The following CARMIL2 variants were observed in gnomAD, a reference collection of about 807,000 sequenced individuals.
The protein encoded by CARMIL2 is capping protein, Arp2/3 and myosin-I linker protein 2.
A neutral mutation model predicts 173.3 loss-of-function variants in CARMIL2; 96 were observed. That is an observed-to-expected ratio of 0.55 (90% CI 0.47 to 0.66). CARMIL2 has a LOEUF of 0.66. Ranked by LOEUF, CARMIL2 falls within the 30% of genes least tolerant of loss-of-function variation. The pLI, the probability that CARMIL2 is intolerant of heterozygous loss-of-function variation, is 0.00. For synonymous variants in CARMIL2, 830 were observed against 817.1 expected (o/e 1.02, Z -0.27); for missense variants, 1,771 against 1,906.7 (o/e 0.93, Z 1.33).
At chr16:67,647,233 T>TGGGCCAGGGTGCAGCCCGCTGA (rs771878714) in intron 9 of CARMIL2, 42 bp downstream of exon 9, 13 of 1,612,182 alleles carry the variant, frequency 8.1e-6, no homozygotes, top group East Asian at 2.2e-5. Flanking sequence ...GCCAAGGGTG[T>TGGGCCAGGGTGCAGCCCGCTGA]GGGCCAGGGT....
chr16:67,656,882 G>C lies in CARMIL2; in HGVS notation c.4117+1G>C. 1 of 1,545,134 alleles carries C rather than the reference G, an allele frequency of 6.5e-7. No homozygotes were observed. Among genetic ancestry groups the C allele is most frequent in the South Asian group, 1.2e-5 (1 of 83,934 alleles). ...GAGGACCAGCTCCAGGCCCCTGCTG[G>C]TGAGGGGAGACACCTCCACGTGTGC... On this transcript the variant is annotated splice_donor_variant, in intron 36 of 37. Transcript: ENST00000334583. LOFTEE classifies it high-confidence loss of function.
Position 67,652,204 on chromosome 16 carries a change from G to C in CARMIL2, c.2682G>C (p.Glu894Asp). Residue 894 changes from glutamate (E) to aspartate (D), a missense_variant, in exon 27 of 38, where the codon GAG becomes GAC. Coordinates refer to ENST00000334583, the MANE Select transcript of CARMIL2 (RefSeq NM_001013838.3). This position sits in a 1 kb window ranked among gnomAD's most constrained non-coding sequence, Gnocchi z 4.7. ...GLSAARDQLV[E>D]SLAQQATVTM... Reference sequence around the variant, plus strand: ...TTGGCTGCTTGGTATTGCAGGTGGAGAGTCTGGCTCAGCAGGCAACAGTGA... The same window carrying C: ...TTGGCTGCTTGGTATTGCAGGTGGACAGTCTGGCTCAGCAGGCAACAGTGA... 6.2e-7 allele frequency: 1 copy of C among 1,612,236 alleles called. No individual in the cohort carries two copies. The highest frequency in any genetic ancestry group is 8.5e-7 in the Non-Finnish European group (1 of 1,179,742).
In CARMIL2 at chr16:67,645,731, T is replaced by G; in HGVS notation, c.140T>G (p.Leu47Arg). Reference protein sequence around the residue: ...GAVQNHVLALLRWRAYLLHTT... With the variant: ...GAVQNHVLALRRWRAYLLHTT... ...CAGACTGTCTTTCCCCAGGCACTGC[T>G]ACGATGGAGAGCCTACCTGCTGCAC... The change falls in exon 3 of 38, where the codon CTA becomes CGA. Residue 47 changes from leucine (L) to arginine (R), a missense_variant. This residue lies in a region of CARMIL2 where 944 missense variants were observed against 975.6 expected (regional missense o/e 0.97). Coordinates refer to ENST00000334583, the MANE Select transcript of CARMIL2 (RefSeq NM_001013838.3). The G allele has an allele frequency of 6.2e-7, 1 of 1,613,340 alleles. No individual in the cohort carries two copies. The highest frequency in any genetic ancestry group is 1.1e-5 in the South Asian group (1 of 91,092).
In CARMIL2 at chr16:67,654,593, C is replaced by T. The variant is rs957910076; in HGVS notation, c.3483C>T (p.Ala1161=). The change falls in exon 31 of 38, where the codon GCC becomes GCT. Residue 1161 remains alanine (A), a synonymous_variant. Coordinates refer to ENST00000334583, the MANE Select transcript of CARMIL2 (RefSeq NM_001013838.3). ...AEGDTSSPDP[A]GRSRPRYTRD... ...GGGACACCAGCAGCCCTGACCCTGCCGGCAGGAGCCGACCTCGCTACACAA... is the reference window on the plus strand; with the variant it reads ...GGGACACCAGCAGCCCTGACCCTGCTGGCAGGAGCCGACCTCGCTACACAA... 3 of 1,607,058 alleles carry T rather than the reference C, an allele frequency of 1.9e-6. No homozygotes were observed. The highest frequency in any genetic ancestry group is 1.7e-5 in the Admixed American group (1 of 59,266).
In CARMIL2 at chr16:67,651,273, C is replaced by T. The variant is rs1180963374; in HGVS notation, c.2271C>T (p.Arg757=). 6.2e-7 allele frequency: 1 copy of T among 1,613,568 alleles called. No homozygotes were observed. The highest frequency in any genetic ancestry group is 2.2e-5 in the East Asian group (1 of 44,872). Residue 757 remains arginine, a synonymous_variant, in exon 23 of 38, where the codon CGC becomes CGT. Transcript: ENST00000334583. This position sits in a 1 kb window ranked among gnomAD's most constrained non-coding sequence, Gnocchi z 4.2. ...GAGPQGEAAV[R]QAEDAIQNAN... is the part of the protein sequence containing the mutation. ...GGCCCCAGGGTGAAGCCGCTGTGCG[C>T]CAGGCCGAGGATGCCATCCAAAATG... is the stretch of plus-strand genomic sequence containing the variant.
Position 67,656,516 on chromosome 16 carries a change from C to T in CARMIL2, c.3907C>T (p.Arg1303Cys), listed in dbSNP as rs755621592. Residue 1303 changes from arginine to cysteine, a missense_variant, in exon 35 of 38, where the codon CGT becomes TGT. Transcript: ENST00000334583. ...GCAGTTGAATGCGGAGCTCAGGAGC[C>T]GTGGTTGGGGCCAACAGGATGGTCC... Reference protein sequence around the residue: ...GQQLNAELRSRGWGQQDGPGP... With the variant: ...GQQLNAELRSCGWGQQDGPGP... The T allele has an allele frequency of 8.1e-6, 13 of 1,613,426 alleles. No individual in the cohort carries two copies. The highest frequency in any genetic ancestry group is 2.7e-5 in the African/African-American group (2 of 74,932).
chr16:67,647,589 G>A lies in CARMIL2; in HGVS notation c.858G>A (p.Leu286=). ...GGGAGCTCAGCCTCGCGGGGAACCT[G>A]CTGGATGACCGAGGTATGACTGAGC... The part of the protein sequence containing the change: ...GLRELSLAGN[L]LDDRGMTALS... The change falls in exon 11 of 38, where the codon CTG becomes CTA. Residue 286 remains leucine (L), a synonymous_variant. Transcript: ENST00000334583. 1 of 1,610,686 alleles carries A rather than the reference G, an allele frequency of 6.2e-7. No individual in the cohort carries two copies. Among genetic ancestry groups the A allele is most frequent in the South Asian group, 1.1e-5 (1 of 90,370 alleles).
chr16:67,652,379 T>C lies in CARMIL2; in HGVS notation c.2817+40T>C. The C allele has an allele frequency of 6.2e-7, 1 of 1,612,150 alleles. No homozygotes were observed. The highest frequency in any genetic ancestry group is 2.2e-5 in the East Asian group (1 of 44,862). On this transcript the variant is annotated intron_variant, in intron 27 of 37. Transcript: ENST00000334583. The surrounding 1 kb of genome is among the most constrained non-coding windows in gnomAD (Gnocchi z 4.7). ...AACACGGGGCATGGCACTCCCAGTC[T>C]TCCCATCTTGCTGTGGAGTGTGGAA...
intron 31 of CARMIL2, 21 bp from the exon 32 acceptor site, chr16:67,654,757 C>A (rs201480643): frequency 6.2e-7 from 1 of 1,612,606 alleles, no homozygotes; most frequent in African/African-American, 1.3e-5. Context: ...CTGTCTCCAA[C>A]TCGAGCATCT....
In CARMIL2 at chr16:67,650,075, C is replaced by T. The variant is rs1295198075; in HGVS notation, c.2109C>T (p.Asn703=). Residue 703 remains asparagine (N), a synonymous_variant, in exon 22 of 38, where the codon AAC becomes AAT. Coordinates refer to ENST00000334583, the MANE Select transcript of CARMIL2 (RefSeq NM_001013838.3). ...HQIQACLLRN[N]RADPASSDHT... ...TCCAAGCCTGTCTCTTGAGGAACAA[C>T]CGCGCAGACCCTGCCTCTTCTGACC... 1.9e-6 allele frequency: 3 copies of T among 1,613,850 alleles called. No individual in the cohort carries two copies. Among genetic ancestry groups the T allele is most frequent in the South Asian group, 2.2e-5 (2 of 91,080 alleles).
chr16:67,648,144 C>T lies in CARMIL2; in HGVS notation c.1164C>T (p.Ser388=). Residue 388 remains serine, a synonymous_variant, in exon 14 of 38, where the codon TCC becomes TCT. Coordinates refer to ENST00000334583, the MANE Select transcript of CARMIL2 (RefSeq NM_001013838.3). This position sits in a 1 kb window ranked among gnomAD's most constrained non-coding sequence, Gnocchi z 6.1. ...DTALDTVRGC[S]VGGWMTGRAD... is the part of the protein sequence containing the mutation. ...CCCTGGACACTGTGAGGGGGTGCTC[C>T]GTGGGGGGATGGATGACCGGCAGGG... The T allele has an allele frequency of 1.3e-6, 2 of 1,583,908 alleles. No homozygotes were observed. Among genetic ancestry groups the T allele is most frequent in the African/African-American group, 1.4e-5 (1 of 73,626 alleles).
rs751769944 is a variant in CARMIL2 at position 67,651,352 on chromosome 16, C to T, written c.2313+37C>T. On this transcript the variant is annotated intron_variant, in intron 23 of 37. Transcript: ENST00000334583. This position sits in a 1 kb window ranked among gnomAD's most constrained non-coding sequence, Gnocchi z 4.2. ...CCCTCCTGCTACAAGGACCCTTCCCCTCTTAGTCAGGTGTCAGCTCGCAAC... is the reference window on the plus strand; with the variant it reads ...CCCTCCTGCTACAAGGACCCTTCCCTTCTTAGTCAGGTGTCAGCTCGCAAC... The T allele has an allele frequency of 1.2e-6, 2 of 1,608,190 alleles. No individual in the cohort carries two copies. Among genetic ancestry groups the T allele is most frequent in the Admixed American group, 1.7e-5 (1 of 59,798 alleles).
Position 67,649,486 on chromosome 16 carries a change from C to A in CARMIL2, c.1786C>A (p.Leu596Met). The change falls in exon 20 of 38, where the codon CTG becomes ATG. Residue 596 changes from leucine to methionine, a missense_variant. Physicochemically the swap from Leu to Met is conservative, Grantham distance 15 (BLOSUM62 2). This residue lies in a region of CARMIL2 where 944 missense variants were observed against 975.6 expected (regional missense o/e 0.97). Transcript: ENST00000334583. This position sits in a 1 kb window ranked among gnomAD's most constrained non-coding sequence, Gnocchi z 6.7. ...SLSVAESRLKLGASVLLRALA... is the reference protein window; with the variant it reads ...SLSVAESRLKMGASVLLRALA... The stretch of plus-strand genomic sequence containing the variant: ...GTCGGTGGCTGAGTCTCGGCTGAAG[C>A]TGGGTGCCAGCGTCCTACTCCGGGC... 6.2e-7 allele frequency: 1 copy of A among 1,610,846 alleles called. No homozygotes were observed. The highest frequency in any genetic ancestry group is 1.1e-5 in the South Asian group (1 of 91,090).
chr16:67,645,508 C>A, intron 1 of CARMIL2, 32 bp from the exon 2 acceptor site: 1 of 1,552,540 alleles, frequency 6.4e-7, no homozygotes, highest in East Asian at 2.4e-5. Context: ...TGTGCAAGGA[C>A]TGAAGTCACC....
chr16:67,651,062 A>G lies in CARMIL2; in HGVS notation c.2185-125A>G. 3.6e-6 allele frequency: 4 copies of G among 1,111,370 alleles called. No individual in the cohort carries two copies. Among genetic ancestry groups the G allele is most frequent in the Non-Finnish European group, 5.1e-6 (4 of 786,982 alleles). The allele number at this position is 1,111,370 out of a possible 1,614,324, so 68.8% of individuals were successfully genotyped here. On this transcript the variant is annotated intron_variant, in intron 22 of 37. Transcript: ENST00000334583. The surrounding 1 kb of genome is among the most constrained non-coding windows in gnomAD (Gnocchi z 4.2). ...TCCCTCCTTGAACAGATAGGGTTCC[A>G]AAGTGGCTGGTCTAAGGGTGTCAGC...
chr16:67,648,625 G>A lies in CARMIL2; in HGVS notation c.1440-60G>A. The A allele has an allele frequency of 1.3e-6, 2 of 1,538,352 alleles. No homozygotes were observed. Among genetic ancestry groups the A allele is most frequent in the African/African-American group, 1.4e-5 (1 of 72,738 alleles). ...CCCAGATCCTGGCCCTGCCTCCTTC[G>A]TTCGCACCCTGGAGCCCCCTGTCCC... On this transcript the variant is annotated intron_variant, in intron 15 of 37. Transcript: ENST00000334583. This position sits in a 1 kb window ranked among gnomAD's most constrained non-coding sequence, Gnocchi z 6.1.
chr16:67,654,082 G>GGGGT, intron 29 of CARMIL2, 67 bp from the exon 30 acceptor site: 1 of 208,994 alleles, frequency 4.8e-6, no homozygotes, highest in Non-Finnish European at 6.9e-6. Context: ...CTGCCGGCCG[G>GGGGT]GGGGGGGGGG....
At position 67,646,534 on chromosome 16, in the gene CARMIL2, A is replaced by G. The variant is rs1677510871; in HGVS notation, c.466+17A>G. On this transcript the variant is annotated intron_variant, in intron 6 of 37. Coordinates refer to ENST00000334583, the MANE Select transcript of CARMIL2 (RefSeq NM_001013838.3). The surrounding 1 kb of genome is among the most constrained non-coding windows in gnomAD (Gnocchi z 4.6). ...GCCCCTGTGGTAAGGGTGAAGGCAG[A>G]GCCACAGGCCTTCCAGCCTGCCCCA... 1.9e-6 allele frequency: 3 copies of G among 1,609,388 alleles called. No individual in the cohort carries two copies. Among genetic ancestry groups the G allele is most frequent in the South Asian group, 1.1e-5 (1 of 90,872 alleles).
At chr16:67,655,431 AAAAAAG>A (rs1174398881) in intron 32 of CARMIL2, among the ~76,000 whole-genome samples, 1 of 152,216 alleles carries the variant, frequency 6.6e-6, no homozygotes, top group Non-Finnish European at 1.5e-5. Flanking sequence ...ACTCATCTCA[AAAAAAG>A]AAAAAGAAAA....
Sources: gnomAD v4.1 joint callset for allele counts (sites outside exome capture counted in the v4.1 genomes callset) on GRCh38, gnomAD v4.1.1 for gene constraint, gnomAD v4.1.1 regional missense constraint, Gnocchi (gnomAD v3.1) non-coding constraint, MANE v1.5 for transcripts, NCBI Gene and HGNC (gene_info 2026-07-23, HGNC 2026-07-21) for gene names.